Variants in GPHN observed in about 807,000 individuals in gnomAD.
GPHN encodes gephyrin.
In GPHN, 17 loss-of-function variants were observed where a neutral mutation model predicts 95.5. The observed-to-expected ratio is 0.18, with a 90% CI of 0.12 to 0.27. The LOEUF is 0.27. Ranked by LOEUF, GPHN falls within the 10% of genes least tolerant of loss-of-function variation. The pLI, the probability that GPHN is intolerant of heterozygous loss-of-function variation, is 1.00. For missense variants in GPHN, 660 were observed against 978.1 expected (o/e 0.67, Z 4.34); for synonymous variants, 320 against 322.5 (o/e 0.99, Z 0.08).
chr14:66,665,209 A>G (rs1245625393), intron 1 of GPHN, among the ~76,000 whole-genome samples: 1 of 152,174 alleles, frequency 6.6e-6, no homozygotes, highest in Non-Finnish European at 1.5e-5. Flanking sequence ...AATATCCTTG[A>G]TGAATACTGA....
At chr14:67,215,222 C>T in the GPHN span, among the ~76,000 whole-genome samples, 1 of 152,078 alleles carries the variant, frequency 6.6e-6, no homozygotes, top group African/African-American at 2.4e-5. Context: ...GCTTTTATAG[C>T]TGTGGAAAGA....
At chr14:67,350,767 A>C in the GPHN span, 1 of 1,343,368 alleles carries the variant, frequency 7.4e-7, no homozygotes, top group East Asian at 2.4e-5. Context: ...ATGTTCCTTT[A>C]ATAACCATCA....
the GPHN span, chr14:67,678,569 A>T: frequency 1.7e-6 from 1 of 579,736 alleles, no homozygotes; most frequent in Non-Finnish European, 3.1e-6. Context: ...TTATCTCTTC[A>T]TTCTCCAGTC....
At chr14:66,757,184 T>C (rs925849629) in intron 2 of GPHN, among the ~76,000 whole-genome samples, 1 of 152,210 alleles carries the variant, frequency 6.6e-6, no homozygotes, top group African/African-American at 2.4e-5. Context: ...CTCATTGGTA[T>C]ATTTTATTTG....
intron 17 of GPHN, among the ~76,000 whole-genome samples, chr14:67,136,768 A>T (rs998635339): frequency 1.3e-5 from 2 of 152,190 alleles, no homozygotes; most frequent in Admixed American, 1.3e-4. Flanking sequence ...CTTAGCATTA[A>T]AGCAATTGTC....
the GPHN span, among the ~76,000 whole-genome samples, chr14:67,694,797 G>A: frequency 6.6e-6 from 1 of 152,166 alleles, no homozygotes; most frequent in African/African-American, 2.4e-5. Flanking sequence ...AAATGACTGT[G>A]ATCTGGCCTG....
intron 2 of GPHN, among the ~76,000 whole-genome samples, chr14:66,703,661 C>A (rs2068777765): frequency 1.0e-5 from 1 of 97,970 alleles, no homozygotes; most frequent in South Asian, 3.4e-4. Flanking sequence ...AAGGAAAAAC[C>A]GGTATCAGCC....
At chr14:66,800,602 T>C (rs1438052273) in intron 3 of GPHN, among the ~76,000 whole-genome samples, 2 of 152,196 alleles carry the variant, frequency 1.3e-5, no homozygotes, top group African/African-American at 4.8e-5. Context: ...TTTCTCATGC[T>C]GCTTTTAAGA....
At chr14:67,578,680 C>T in the GPHN span, 12 of 1,177,264 alleles carry the variant, frequency 1.0e-5, no homozygotes, top group Non-Finnish European at 1.4e-5. The surrounding 1 kb of genome is among the most constrained non-coding windows in gnomAD (Gnocchi z 5.0). Context: ...TGCCAACTGC[C>T]GCATGAATAA....
chr14:67,637,011 C>T, the GPHN span, among the ~76,000 whole-genome samples: 1 of 152,188 alleles, frequency 6.6e-6, no homozygotes, highest in African/African-American at 2.4e-5. Flanking sequence ...TTACACATTA[C>T]AATGTCTGCA....
chr14:66,999,505 A>T (rs970859225), intron 9 of GPHN, among the ~76,000 whole-genome samples: 4 of 151,892 alleles, frequency 2.6e-5, no homozygotes, highest in South Asian at 2.1e-4. Flanking sequence ...TCATTTGATA[A>T]ATATTGAGCT....
the GPHN span, among the ~76,000 whole-genome samples, chr14:67,501,175 C>T: frequency 6.6e-6 from 1 of 151,926 alleles, no homozygotes; most frequent in Admixed American, 6.6e-5. Flanking sequence ...AAATGCAAAC[C>T]TCCAGCAGGT....
At chr14:66,664,989 C>CAAA (rs937401198) in intron 1 of GPHN, among the ~76,000 whole-genome samples, 28 of 54,856 alleles carry the variant, frequency 5.1e-4, no homozygotes, top group African/African-American at 6.7e-4. Flanking sequence ...GCCTACCAAC[C>CAAA]AAAAAAAAAA....
chr14:66,730,569 T>C (rs1257581497), intron 2 of GPHN, among the ~76,000 whole-genome samples: 1 of 152,164 alleles, frequency 6.6e-6, no homozygotes, highest in East Asian at 1.9e-4. Flanking sequence ...TTGTAAAACA[T>C]AAAGCTTAAA....
At chr14:67,236,983 G>A in the GPHN span, among the ~76,000 whole-genome samples, 10 of 151,892 alleles carry the variant, frequency 6.6e-5, no homozygotes, top group African/African-American at 2.4e-4. Context: ...CCCAGCTACT[G>A]GGAGGCTGAG....
the GPHN span, among the ~76,000 whole-genome samples, chr14:67,365,950 T>G: frequency 6.6e-6 from 1 of 152,218 alleles, no homozygotes; most frequent in South Asian, 2.1e-4. Context: ...ATGGATTGTT[T>G]TAAATGTTTT....
intron 2 of GPHN, among the ~76,000 whole-genome samples, chr14:66,727,560 A>C (rs1393854669): frequency 6.6e-6 from 1 of 152,208 alleles, no homozygotes; most frequent in Non-Finnish European, 1.5e-5. Flanking sequence ...GATGGAGATG[A>C]AGTACTTGTT....
chr14:66,614,167 A>G (rs550455469), intron 1 of GPHN, among the ~76,000 whole-genome samples: 1 of 152,294 alleles, frequency 6.6e-6, no homozygotes. Context: ...GTAGATAATG[A>G]AAATAACATA....
rs1328896618 is a variant in GPHN, at chr14:67,100,970, T to C, written c.1293+59T>C. The C allele has an allele frequency of 2.7e-5, 26 of 976,978 alleles. No homozygotes were observed. The East Asian group carries it at 6.2e-4, about 23-fold the overall frequency. The allele number at this position is 976,978 out of a possible 1,614,324, so 60.5% of individuals were successfully genotyped here. ...TTCAGCTTCATGGACTTTGGGCATCTAATTCTAAATTTCTCCTATCAGTTT... is the reference window on the plus strand; with the variant it reads ...TTCAGCTTCATGGACTTTGGGCATCCAATTCTAAATTTCTCCTATCAGTTT... On this transcript the variant is annotated intron_variant, in intron 13 of 22. Transcript: ENST00000478722.
Sources: allele counts gnomAD v4.1 joint callset (sites outside exome capture counted in the v4.1 genomes callset), GRCh38; gene constraint gnomAD v4.1.1; non-coding constraint Gnocchi (gnomAD v3.1); transcripts MANE v1.5; gene names NCBI Gene and HGNC (gene_info 2026-07-23, HGNC 2026-07-21).